The following INHBC variants were observed in gnomAD, a reference collection of about 807,000 sequenced individuals.
INHBC encodes the protein inhibin beta C chain.
In INHBC, 10 loss-of-function variants were observed where a neutral mutation model predicts 12.4. The observed-to-expected ratio is 0.81, with a 90% CI of 0.50 to 1.37. The LOEUF (loss-of-function observed/expected upper bound fraction) is 1.37. INHBC is among the 40% of genes most tolerant of loss of function. The pLI is 0.00. For missense variants in INHBC, 382 were observed against 439.4 expected (o/e 0.87, Z 1.17); for synonymous variants, 147 against 171.6 (o/e 0.86, Z 1.12).
intron 1 of INHBC, among the ~76,000 whole-genome samples, chr12:57,444,174 G>A (rs1870527922): frequency 6.6e-6 from 1 of 152,266 alleles, no homozygotes; most frequent in East Asian, 1.9e-4. Flanking sequence ...CACAACCGCT[G>A]TTTTCATGGA....
At chr12:57,441,354 C>CAAAA (rs1171735520) in intron 1 of INHBC, among the ~76,000 whole-genome samples, 2 of 33,926 alleles carry the variant, frequency 5.9e-5, no homozygotes, top group Admixed American at 4.6e-4. Context: ...AATTCCATCT[C>CAAAA]AAAAAAAAAA....
At chr12:57,442,991 CAAA>C (rs1279356405) in intron 1 of INHBC, among the ~76,000 whole-genome samples, 8 of 62,376 alleles carry the variant, frequency 1.3e-4, no homozygotes, top group African/African-American at 1.3e-4. Flanking sequence ...GACTCCGTCT[CAAA>C]AAAAAAAAAA....
At chr12:57,439,628 C>G (rs565992159) in intron 1 of INHBC, among the ~76,000 whole-genome samples, 6 of 152,240 alleles carry the variant, frequency 3.9e-5, no homozygotes, top group South Asian at 2.1e-4. Flanking sequence ...TCTGTGGACC[C>G]TGTAAATAAT....
At chr12:57,444,625 G>T (rs2139833616) in intron 1 of INHBC, among the ~76,000 whole-genome samples, 1 of 151,636 alleles carries the variant, frequency 6.6e-6, no homozygotes, top group South Asian at 2.1e-4. Context: ...GTATTAGAGA[G>T]ATGGAGGCAG....
In INHBC at chr12:57,451,394, G is replaced by C. The variant is rs373734929; in HGVS notation, c.*1372G>C. Reference sequence around the variant, plus strand: ...ACCCAGGAGTCCTGCCTGGAAGCTGGAATGGGCAAGGGCTGCTGGAGTGGG... The same window carrying C: ...ACCCAGGAGTCCTGCCTGGAAGCTGCAATGGGCAAGGGCTGCTGGAGTGGG... On this transcript the variant is annotated 3_prime_UTR_variant, in exon 2 of 2. Coordinates refer to ENST00000309668, the MANE Select transcript of INHBC (RefSeq NM_005538.4). Among the ~76,000 whole-genome samples the C allele has an allele frequency of 1.3e-5, 2 of 152,214 alleles. No individual in the cohort carries two copies. The highest frequency in any genetic ancestry group is 2.1e-4 in the South Asian group (1 of 4,836).
intron 1 of INHBC, among the ~76,000 whole-genome samples, chr12:57,442,038 G>T (rs988559562): frequency 6.6e-6 from 1 of 152,068 alleles, no homozygotes; most frequent in Non-Finnish European, 1.5e-5. Context: ...TGCTCCATGT[G>T]GTGTAGCTGA....
At position 57,451,571 on chromosome 12, in the gene INHBC, C is replaced by T. The variant is rs955043880; in HGVS notation, c.*1549C>T. Among the ~76,000 whole-genome samples, 5 of 152,134 alleles carry T rather than the reference C, an allele frequency of 3.3e-5. No homozygotes were observed. Among genetic ancestry groups the T allele is most frequent in the African/African-American group, 9.7e-5 (4 of 41,404 alleles). ...GTCGATAATGTCTGCAGCCCAAGGC[C>T]GAGTTTGCGCAAAACCCATGTGTTC... On this transcript the variant is annotated 3_prime_UTR_variant, in exon 2 of 2. Coordinates refer to ENST00000309668, the MANE Select transcript of INHBC (RefSeq NM_005538.4).
In INHBC at chr12:57,435,047, A is replaced by G; in HGVS notation, c.161A>G (p.Lys54Arg). 3 of 1,614,152 alleles carry G rather than the reference A, an allele frequency of 1.9e-6. No individual in the cohort carries two copies. Among genetic ancestry groups the G allele is most frequent in the Non-Finnish European group, 2.5e-6 (3 of 1,180,040 alleles). ...LDLAKRSILD[K>R]LHLTQRPTLN... ...CTGGCCAAGAGAAGCATCTTGGACA[A>G]GCTGCACCTCACCCAGCGCCCAACA... The change falls in exon 1 of 2, where the codon AAG (lysine) becomes AGG (arginine). Residue 54 changes from lysine (K) to arginine (R), a missense_variant. Physicochemically the swap from Lys to Arg is conservative, Grantham distance 26. Transcript: ENST00000309668.
Position 57,449,633 on chromosome 12 carries a change from C to A in INHBC, c.670C>A (p.Arg224=). The A allele has an allele frequency of 6.2e-7, 1 of 1,614,158 alleles. No individual in the cohort carries two copies. The highest frequency in any genetic ancestry group is 8.5e-7 in the Non-Finnish European group (1 of 1,180,030). Residue 224 remains arginine (R), a synonymous_variant, in exon 2 of 2, where the codon CGG becomes AGG. Transcript: ENST00000309668. ...TGCCCATAGGCCTTTTGTGGCAGCC[C>A]GGGTGAGAGTTGGGGGCAAACACCA... is the stretch of plus-strand genomic sequence containing the variant. The part of the protein sequence containing the change: ...GAAHRPFVAA[R]VRVGGKHQIH...
intron 1 of INHBC, among the ~76,000 whole-genome samples, chr12:57,447,005 C>T (rs1457251097): frequency 2.6e-5 from 4 of 151,946 alleles, no homozygotes; most frequent in Admixed American, 6.6e-5. Context: ...GTGATCTTGA[C>T]GTGTGCAATT....
At chr12:57,436,658 T>TTTTTA (rs913016485) in intron 1 of INHBC, among the ~76,000 whole-genome samples, 2 of 151,264 alleles carry the variant, frequency 1.3e-5, no homozygotes, top group African/African-American at 2.4e-5. Flanking sequence ...TTTTTTTTAT[T>TTTTTA]TTTTATTTTA....
At chr12:57,445,713 A>ACT (rs1870558183) in intron 1 of INHBC, among the ~76,000 whole-genome samples, 1 of 115,458 alleles carries the variant, frequency 8.7e-6, no homozygotes, top group African/African-American at 3.2e-5. Context: ...ACATAGTGAG[A>ACT]CCCCCCGCCC....
chr12:57,443,519 G>A lies in INHBC; in HGVS notation c.314-5758G>A, dbSNP rs546331931. Reference sequence around the variant, plus strand: ...GGCTTGTCTCGAACTCCTGACCTCAGGTGATCCACCCACCTTGGCCTCCCA... The same window carrying A: ...GGCTTGTCTCGAACTCCTGACCTCAAGTGATCCACCCACCTTGGCCTCCCA... On this transcript the variant is annotated intron_variant, in intron 1 of 1. Coordinates refer to ENST00000309668, the MANE Select transcript of INHBC (RefSeq NM_005538.4). Among the ~76,000 whole-genome samples, 3 of 151,970 alleles carry A rather than the reference G, an allele frequency of 2.0e-5. No individual in the cohort carries two copies. The East Asian group carries it at 5.8e-4, about 29-fold the overall frequency.
chr12:57,439,818 T>G (rs1263451781), intron 1 of INHBC, among the ~76,000 whole-genome samples: 2 of 152,212 alleles, frequency 1.3e-5, no homozygotes, highest in African/African-American at 4.8e-5. Flanking sequence ...AAATGTTAGA[T>G]CTTAACAAGC....
At chr12:57,435,290 C>T (rs375790702) in intron 1 of INHBC, 91 bp downstream of exon 1, 13 of 1,220,818 alleles carry the variant, frequency 1.1e-5, no homozygotes, top group East Asian at 7.7e-5. Flanking sequence ...ACTCCTTCCC[C>T]AAAAACCATC....
In INHBC at chr12:57,434,801, T is replaced by A. The variant is rs1041754150; in HGVS notation, c.-86T>A. On this transcript the variant is annotated 5_prime_UTR_variant, in exon 1 of 2. Coordinates refer to ENST00000309668, the MANE Select transcript of INHBC (RefSeq NM_005538.4). ...CTGGACACACACTTCTTCCAGGGCC[T>A]CTGGCAGCCAGGACAGAGTTGAGAC... The A allele has an allele frequency of 3.1e-6, 4 of 1,300,450 alleles. No individual in the cohort carries two copies. In the Admixed American group the frequency reaches 8.8e-5, roughly 28 times the overall value. 80.6% of individuals were successfully genotyped at this position (1,300,450 alleles called of 1,614,324 possible). A position where few individuals can be genotyped will look rare whatever the true frequency, so the allele number is the denominator to read the frequency against.
chr12:57,435,750 G>C (rs1870321289), intron 1 of INHBC, among the ~76,000 whole-genome samples: 1 of 152,180 alleles, frequency 6.6e-6, no homozygotes, highest in Non-Finnish European at 1.5e-5. Context: ...AAGGGGCTGG[G>C]CACAGTGGCT....
intron 1 of INHBC, among the ~76,000 whole-genome samples, chr12:57,440,442 T>C (rs939520309): frequency 2.0e-4 from 31 of 151,244 alleles, no homozygotes; most frequent in African/African-American, 7.3e-4. Context: ...AAGCGATTCT[T>C]TTGCCTCAGC....
chr12:57,448,567 TAAAA>T (rs10577805), intron 1 of INHBC, among the ~76,000 whole-genome samples: 2,108 of 121,562 alleles, frequency 0.017, 27 homozygotes, highest in African/African-American at 0.05. Context: ...AGACTCCGTC[TAAAA>T]AAAAAAAAAA....
Sources: gnomAD v4.1 joint callset for allele counts (sites outside exome capture counted in the v4.1 genomes callset) on GRCh38, gnomAD v4.1.1 for gene constraint, MANE v1.5 for transcripts, NCBI Gene and HGNC (gene_info 2026-07-23, HGNC 2026-07-21) for gene names.